CSNK1G2: variants seen among roughly 807,000 people sequenced by gnomAD.
CSNK1G2 encodes the protein casein kinase 1 gamma 2.
In CSNK1G2, 11 loss-of-function variants were observed where a neutral mutation model predicts 48.0. The observed-to-expected ratio is 0.23, with a 90% CI of 0.14 to 0.38. The LOEUF is 0.38. CSNK1G2 is among the 10% of genes least tolerant of loss of function. The pLI, the probability that CSNK1G2 is intolerant of heterozygous loss-of-function variation, is 1.00. For missense variants in CSNK1G2, 446 were observed against 595.5 expected (o/e 0.75, Z 2.61); for synonymous variants, 337 against 254.1 (o/e 1.33, Z -3.10).
At chr19:1,941,607 C>G (rs1010492993) in intron 1 of CSNK1G2, among the ~76,000 whole-genome samples, 189 bp downstream of exon 1, 12 of 147,172 alleles carry the variant, frequency 8.2e-5, no homozygotes, top group Non-Finnish European at 1.4e-4. Context: ...CCCCCACACT[C>G]AGGGCCCCAC....
At chr19:1,963,362 C>T (rs1378967605) in intron 1 of CSNK1G2, among the ~76,000 whole-genome samples, 1 of 152,008 alleles carries the variant, frequency 6.6e-6, no homozygotes, top group Admixed American at 6.6e-5. Context: ...CAGGTGCCCG[C>T]CACCATGCCT....
intron 8 of CSNK1G2, 28 bp downstream of exon 8, chr19:1,979,431 T>TGGCGGG: frequency 1.1e-6 from 1 of 938,056 alleles, no homozygotes; most frequent in Non-Finnish European, 1.6e-6. Context: ...CCCCGCCCTG[T>TGGCGGG]GCCCCCCACC....
intron 1 of CSNK1G2, among the ~76,000 whole-genome samples, chr19:1,967,389 G>T (rs1234568269): frequency 3.3e-5 from 5 of 152,168 alleles, no homozygotes; most frequent in African/African-American, 1.2e-4. Flanking sequence ...CACATCTGGG[G>T]CACAGCAGCA....
intron 2 of CSNK1G2, among the ~76,000 whole-genome samples, chr19:1,976,922 AG>A (rs1242285921): frequency 6.6e-6 from 1 of 151,970 alleles, no homozygotes; most frequent in African/African-American, 2.4e-5. Flanking sequence ...TATTTTTAGT[AG>A]AGATGGGGTT....
At chr19:1,964,285 C>A (rs1264930871) in intron 1 of CSNK1G2, among the ~76,000 whole-genome samples, 1 of 147,242 alleles carries the variant, frequency 6.8e-6, no homozygotes, top group Non-Finnish European at 1.5e-5. Flanking sequence ...AGAGTGAGAC[C>A]CTGTGTTAAA....
chr19:1,957,473 G>T lies in CSNK1G2; in HGVS notation c.-265-12035G>T, dbSNP rs1350293361. Among the ~76,000 whole-genome samples the T allele has an allele frequency of 6.6e-6, 1 of 152,250 alleles. No individual in the cohort carries two copies. Among genetic ancestry groups the T allele is most frequent in the East Asian group, 1.9e-4 (1 of 5,198 alleles). ...CCGAGCGGCTTGGGTGGCCGGGCCT[G>T]TGGGAGACCTTGGGTTTGCTGTTAG... On this transcript the variant is annotated intron_variant, in intron 1 of 11. Coordinates refer to ENST00000255641, the MANE Select transcript of CSNK1G2 (RefSeq NM_001319.7). This position sits in a 1 kb window ranked among gnomAD's most constrained non-coding sequence, Gnocchi z 5.4.
At chr19:1,952,448 G>C (rs146909383) in intron 1 of CSNK1G2, 1 of 151,844 alleles carries the variant, frequency 6.6e-6, no homozygotes, top group Non-Finnish European at 1.5e-5. Flanking sequence ...TCAGCCTCCC[G>C]AGTAGCTGGG....
At position 1,961,216 on chromosome 19, in the gene CSNK1G2, G is replaced by T. The variant is rs1219556721; in HGVS notation, c.-265-8292G>T. Among the ~76,000 whole-genome samples the T allele has an allele frequency of 2.0e-5, 3 of 152,242 alleles. No homozygotes were observed. In the East Asian group the frequency reaches 5.8e-4, roughly 29 times the overall value. The stretch of plus-strand genomic sequence containing the variant: ...CGGTTGTGGCATTCTCGCTGTCAGG[G>T]GGCTGTTCCCGTGGCTCTCATGGCT... On this transcript the variant is annotated intron_variant, in intron 1 of 11. Transcript: ENST00000255641.
At chr19:1,968,971 C>G (rs1010420825) in intron 1 of CSNK1G2, 3 of 152,584 alleles carry the variant, frequency 2.0e-5, no homozygotes, top group Admixed American at 1.3e-4. Flanking sequence ...CCGGCCCACT[C>G]TCCCCGCTCT....
Position 1,979,056 on chromosome 19 carries a change from G to T in CSNK1G2, c.645G>T (p.Thr215=). ...GCGAGCACAAGAGCCTGACGGGCAC[G>T]GCGCGCTACATGAGCATCAACACGC... ...PYREHKSLTG[T]ARYMSINTHL... Residue 215 remains threonine, a synonymous_variant, in exon 6 of 12, where the codon ACG becomes ACT. Coordinates refer to ENST00000255641, the MANE Select transcript of CSNK1G2 (RefSeq NM_001319.7). 1 of 1,597,670 alleles carries T rather than the reference G, an allele frequency of 6.3e-7. No individual in the cohort carries two copies. Among genetic ancestry groups the T allele is most frequent in the Non-Finnish European group, 8.5e-7 (1 of 1,179,056 alleles).
chr19:1,953,532 T>C (rs544698902), intron 1 of CSNK1G2: 4 of 526,828 alleles, frequency 7.6e-6, no homozygotes, highest in Non-Finnish European at 1.2e-5. Context: ...ATTGCCCCTA[T>C]GTGGACTAGT....
At chr19:1,951,567 G>T (rs2014763633) in intron 1 of CSNK1G2, among the ~76,000 whole-genome samples, 1 of 145,922 alleles carries the variant, frequency 6.9e-6, no homozygotes, top group African/African-American at 2.6e-5. Context: ...AGGGGTCCCA[G>T]TTGGGGGGTG....
At chr19:1,971,506 CAT>C (rs1033627257) in intron 2 of CSNK1G2, among the ~76,000 whole-genome samples, 4 of 152,270 alleles carry the variant, frequency 2.6e-5, no homozygotes, top group African/African-American at 2.4e-5. Flanking sequence ...CACATGCAGA[CAT>C]GTACACACGT....
At chr19:1,967,078 C>T (rs1423756952) in intron 1 of CSNK1G2, among the ~76,000 whole-genome samples, 3 of 152,162 alleles carry the variant, frequency 2.0e-5, no homozygotes, top group Non-Finnish European at 4.4e-5. Flanking sequence ...CTACTGCACA[C>T]TTCCTAGACC....
In CSNK1G2 at chr19:1,979,008, G is replaced by A; in HGVS notation, c.597G>A (p.Glu199=). The change falls in exon 6 of 12, where the codon GAG becomes GAA. Residue 199 remains glutamate (E), a synonymous_variant. Coordinates refer to ENST00000255641, the MANE Select transcript of CSNK1G2 (RefSeq NM_001319.7). The stretch of plus-strand genomic sequence containing the variant: ...TGGCCAAGGAGTACATCGACCCCGA[G>A]ACCAAGAAGCACATCCCGTACCGCG... ...FGLAKEYIDP[E]TKKHIPYREH... The A allele has an allele frequency of 6.3e-7, 1 of 1,598,572 alleles. No individual in the cohort carries two copies. The highest frequency in any genetic ancestry group is 8.5e-7 in the Non-Finnish European group (1 of 1,179,556).
intron 2 of CSNK1G2, chr19:1,975,519 G>C (rs571826398): frequency 5.1e-6 from 5 of 985,364 alleles, no homozygotes; most frequent in Non-Finnish European, 4.8e-6. Context: ...CCTGTGAGCC[G>C]CGGCACAGCA....
Position 1,967,759 on chromosome 19 carries a change from C to A in CSNK1G2, c.-265-1749C>A, listed in dbSNP as rs112004978. 6.2e-5 allele frequency among the ~76,000 whole-genome samples: 4 copies of A among 64,646 alleles called. 1 individual carries two copies. The highest frequency in any genetic ancestry group is 1.8e-4 in the African/African-American group (2 of 11,166). 42.4% of individuals were successfully genotyped at this position (64,646 alleles called of 152,430 possible). A position where few individuals can be genotyped will look rare whatever the true frequency, so the allele number is the denominator to read the frequency against. On this transcript the variant is annotated intron_variant, in intron 1 of 11. Coordinates refer to ENST00000255641, the MANE Select transcript of CSNK1G2 (RefSeq NM_001319.7). ...TCCTCCCTCCTCCCCAGGCTGCCCC[C>A]GACCACCCTTCAGTTCTGCAGGTGG...
intron 1 of CSNK1G2, among the ~76,000 whole-genome samples, chr19:1,956,605 C>A (rs993437490): frequency 3.9e-5 from 6 of 152,342 alleles, no homozygotes; most frequent in Middle Eastern, 6.8e-3. Context: ...GCTTACCCTG[C>A]GGCATTGGCC....
intron 1 of CSNK1G2, among the ~76,000 whole-genome samples, chr19:1,942,815 AAGTTCGCGGTTGTC>A (rs2014417456): frequency 6.6e-6 from 1 of 151,980 alleles, no homozygotes; most frequent in African/African-American, 2.4e-5. Context: ...TGAAAGGGGG[AAGTTCGCGGTTGTC>A]ACTGGTACTT....
Sources: allele counts gnomAD v4.1 joint callset (sites outside exome capture counted in the v4.1 genomes callset), GRCh38; gene constraint gnomAD v4.1.1; non-coding constraint Gnocchi (gnomAD v3.1); transcripts MANE v1.5; gene names NCBI Gene and HGNC (gene_info 2026-07-23, HGNC 2026-07-21).